Variants in EPB41L2 observed in about 807,000 individuals in gnomAD.
The protein encoded by EPB41L2 is band 4.1-like protein 2.
EPB41L2 carries 43 observed loss-of-function variants against 113.0 expected under a neutral mutation model. The observed-to-expected ratio is 0.38, with a 90% CI of 0.30 to 0.49. The LOEUF is 0.49. EPB41L2 is among the 20% of genes least tolerant of loss of function. EPB41L2 has a pLI of 0.95. For missense variants in EPB41L2, 1,147 were observed against 1,223.4 expected (o/e 0.94, Z 0.93); for synonymous variants, 442 against 436.7 (o/e 1.01, Z -0.15).
chr6:130,865,674 C>T (rs761027479), intron 16 of EPB41L2, 40 bp from the exon 17 acceptor site: 17 of 1,593,028 alleles, frequency 1.1e-5, no homozygotes, highest in Non-Finnish European at 1.5e-5. Flanking sequence ...TAATGCTTAA[C>T]TTCTGTTATG....
chr6:130,973,593 T>C (rs752356989), intron 1 of EPB41L2, among the ~76,000 whole-genome samples: 14 of 152,166 alleles, frequency 9.2e-5, no homozygotes, highest in Non-Finnish European at 2.1e-4. Context: ...AGGAACTGCT[T>C]AGGGCAAACC....
intron 19 of EPB41L2, among the ~76,000 whole-genome samples, chr6:130,852,200 T>G (rs1462882521): frequency 6.6e-6 from 1 of 152,136 alleles, no homozygotes; most frequent in Admixed American, 6.5e-5. Flanking sequence ...CATCCCCAGT[T>G]TACAGATGAC....
chr6:130,846,242 T>C (rs548460395), intron 19 of EPB41L2, among the ~76,000 whole-genome samples: 1 of 152,226 alleles, frequency 6.6e-6, no homozygotes, highest in African/African-American at 2.4e-5. Flanking sequence ...TACAGTTTGA[T>C]CATACAACAT....
At chr6:131,051,452 C>CAAAAAAAAAAAAAAAA (rs547631535) in intron 1 of EPB41L2, among the ~76,000 whole-genome samples, 1 of 101,802 alleles carries the variant, frequency 9.8e-6, no homozygotes, top group African/African-American at 4.7e-5. Flanking sequence ...AAAAGTAAAG[C>CAAAAAAAAAAAAAAAA]AAAAAAAAAA....
Position 130,956,024 on chromosome 6 carries a change from T to C in EPB41L2, c.462A>G (p.Glu154=), listed in dbSNP as rs745857782. 1.2e-6 allele frequency: 2 copies of C among 1,612,812 alleles called. No individual in the cohort carries two copies. Among genetic ancestry groups the C allele is most frequent in the Non-Finnish European group, 1.7e-6 (2 of 1,179,634 alleles). The change falls in exon 2 of 20, where the codon GAA becomes GAG. Residue 154 remains glutamate (E), a synonymous_variant. Transcript: ENST00000337057. The part of the protein sequence containing the change: ...KEEKPSVSKE[E]KPSVSKVEMQ... ...TCTCCACTTTGCTCACTGAGGGTTTTTCTTCCTTGCTCACTGAGGGTTTTT... is the reference window on the plus strand; with the variant it reads ...TCTCCACTTTGCTCACTGAGGGTTTCTCTTCCTTGCTCACTGAGGGTTTTT...
intron 19 of EPB41L2, among the ~76,000 whole-genome samples, chr6:130,855,374 C>T (rs1779908804): frequency 6.6e-6 from 1 of 151,954 alleles, no homozygotes; most frequent in African/African-American, 2.4e-5. Flanking sequence ...ATAAATAAAA[C>T]CATTAGGGAA....
At chr6:130,882,004 C>T (rs1789476036) in intron 12 of EPB41L2, 1 of 152,194 alleles carries the variant, frequency 6.6e-6, no homozygotes, top group Non-Finnish European at 1.5e-5. Flanking sequence ...GATACATCCT[C>T]ATAGATGCTA....
chr6:130,992,365 C>A (rs1782077439), intron 1 of EPB41L2, among the ~76,000 whole-genome samples: 1 of 152,112 alleles, frequency 6.6e-6, no homozygotes, highest in Non-Finnish European at 1.5e-5. Flanking sequence ...GTAATCAAAT[C>A]CCTAGGGGAA....
rs1369006327 is a variant in EPB41L2 at position 130,899,521 on chromosome 6, G to A, written c.1206C>T (p.Ser402=). ...SQFLENAKRL[S]MYGVDLHHAK... ...CATGATGTAGGTCAACACCATACAT[G>A]GAAAGCCTCTTTGCATTTTCTAAGA... is the stretch of plus-strand genomic sequence containing the variant. Residue 402 remains serine (S), a synonymous_variant, in exon 8 of 20, where the codon TCC becomes TCT. Transcript: ENST00000337057. 1 of 1,613,964 alleles carries A rather than the reference G, an allele frequency of 6.2e-7. No individual in the cohort carries two copies.
chr6:130,845,864 A>C lies in EPB41L2; in HGVS notation c.*6-5266T>G, dbSNP rs546798308. On this transcript the variant is annotated intron_variant, in intron 19 of 19. Coordinates refer to ENST00000337057, the MANE Select transcript of EPB41L2 (RefSeq NM_001431.4). Reference sequence around the variant, plus strand: ...ACACGCCATTCCCGCTGCATACAGAAGTACAACAATGTCTAGAGGAAAAGC... The same window carrying C: ...ACACGCCATTCCCGCTGCATACAGACGTACAACAATGTCTAGAGGAAAAGC... Among the ~76,000 whole-genome samples the C allele has an allele frequency of 7.9e-5, 12 of 152,340 alleles. No individual in the cohort carries two copies. In the South Asian group the frequency reaches 2.1e-3, roughly 26 times the overall value.
rs142478152 is a variant in EPB41L2 at position 130,915,755 on chromosome 6, T to C, written c.811-6892A>G. Among the ~76,000 whole-genome samples, 43 of 152,302 alleles carry C rather than the reference T, an allele frequency of 2.8e-4. No individual in the cohort carries two copies. The East Asian group carries it at 7.9e-3, about 28-fold the overall frequency. On this transcript the variant is annotated intron_variant, in intron 4 of 19. Transcript: ENST00000337057. The stretch of plus-strand genomic sequence containing the variant: ...GGGGGCAGATCTTCATGCTGTCTCA[T>C]GATAGTGAATGGGTCTCACGAGATC...
chr6:130,870,243 A>G, intron 14 of EPB41L2, 117 bp from the exon 15 acceptor site: 2 of 1,530,470 alleles, frequency 1.3e-6, no homozygotes, highest in Non-Finnish European at 8.9e-7. Flanking sequence ...GATGATTATG[A>G]TGGCTGACTG....
intron 4 of EPB41L2, among the ~76,000 whole-genome samples, chr6:130,925,521 C>T (rs1804428797): frequency 1.3e-5 from 2 of 152,134 alleles, no homozygotes. Context: ...CCTATGCCTA[C>T]TAAGAGAACA....
chr6:130,944,162 T>TACACACACACAC (rs537919934), intron 3 of EPB41L2, among the ~76,000 whole-genome samples: 2,659 of 132,778 alleles, frequency 0.02, 58 homozygotes, highest in East Asian at 0.067. Flanking sequence ...TATACGTACA[T>TACACACACACAC]ACACACACAT....
chr6:131,030,236 C>T (rs1405811669), intron 1 of EPB41L2, among the ~76,000 whole-genome samples: 4 of 152,192 alleles, frequency 2.6e-5, no homozygotes, highest in Non-Finnish European at 5.9e-5. Context: ...CATAGCACGA[C>T]ATGGCCAGGC....
At chr6:131,036,792 A>G (rs994153018) in intron 1 of EPB41L2, among the ~76,000 whole-genome samples, 12 of 152,174 alleles carry the variant, frequency 7.9e-5, no homozygotes, top group African/African-American at 2.7e-4. Context: ...ACAAAGGAGA[A>G]AAAAACAGTT....
intron 1 of EPB41L2, among the ~76,000 whole-genome samples, chr6:130,990,891 A>G (rs1180232687): frequency 6.8e-6 from 1 of 147,302 alleles, no homozygotes; most frequent in African/African-American, 2.6e-5. Flanking sequence ...CAGTGGCATG[A>G]TCTTGGCTCA....
chr6:130,899,004 A>C (rs2128493319), intron 8 of EPB41L2, among the ~76,000 whole-genome samples: 1 of 152,238 alleles, frequency 6.6e-6, no homozygotes, highest in South Asian at 2.1e-4. Context: ...TCTTTCACAA[A>C]GTACAAAACA....
At chr6:131,015,099 T>C (rs1254250781) in intron 1 of EPB41L2, among the ~76,000 whole-genome samples, 3 of 152,186 alleles carry the variant, frequency 2.0e-5, no homozygotes, top group African/African-American at 7.2e-5. Context: ...CTGCTTGCCT[T>C]AAGAAAATGT....
Sources: gnomAD v4.1 joint callset for allele counts (sites outside exome capture counted in the v4.1 genomes callset) on GRCh38, gnomAD v4.1.1 for gene constraint, MANE v1.5 for transcripts, NCBI Gene and HGNC (gene_info 2026-07-23, HGNC 2026-07-21) for gene names.